Variants in PPP2R3B observed in about 807,000 individuals in gnomAD.
PPP2R3B encodes the protein protein phosphatase 2 regulatory subunit B''beta, also known as serine/threonine-protein phosphatase 2A regulatory subunit B'' subunit beta.
A neutral mutation model predicts 72.9 loss-of-function variants in PPP2R3B; 68 were observed. The ratio of observed to expected loss-of-function variants is 0.93; its 90% CI spans 0.77 to 1.14. The LOEUF (loss-of-function observed/expected upper bound fraction) is 1.14, where lower values mean the gene tolerates loss of function less well. Ranked by LOEUF, PPP2R3B falls within the 50% of genes most tolerant of loss-of-function variation. PPP2R3B has a pLI of 0.00. For missense variants in PPP2R3B, 1,018 were observed against 842.0 expected (o/e 1.21, Z -2.59); for synonymous variants, 466 against 375.8 (o/e 1.24, Z -2.78).
intron 2 of PPP2R3B, among the ~76,000 whole-genome samples, chrX:349,488 C>A (rs1448088152): frequency 6.6e-6 from 1 of 152,218 alleles, no homozygotes; most frequent in African/African-American, 2.4e-5. Flanking sequence ...AGGACAGTGT[C>A]ACCACCAAGG....
chrX:373,831 G>A (rs1470404572), intron 1 of PPP2R3B: 1 of 152,106 alleles, frequency 6.6e-6, no homozygotes, highest in Admixed American at 6.6e-5. Context: ...CTCAGGCTGA[G>A]GAGGGCGCAT....
chrX:356,885 C>G lies in PPP2R3B; in HGVS notation c.510+4520G>C, dbSNP rs1193541735. ...AGCGAGCCCCACAGTATCCACACCC[C>G]GCCAGCCACACAGCGAGCCCCACGG... On this transcript the variant is annotated intron_variant, in intron 2 of 12. Transcript: ENST00000390665. Among the ~76,000 whole-genome samples the G allele has an allele frequency of 4.6e-4, 43 of 93,116 alleles. 1 individual carries two copies. Among genetic ancestry groups the G allele is most frequent in the Non-Finnish European group, 6.3e-5 (3 of 47,858 alleles). 61.1% of individuals were successfully genotyped at this position (93,116 alleles called of 152,430 possible).
At chrX:384,300 T>G (rs867996179) in intron 1 of PPP2R3B, among the ~76,000 whole-genome samples, 4 of 134,162 alleles carry the variant, frequency 3.0e-5, no homozygotes, top group African/African-American at 6.0e-5. Context: ...ATATATATAC[T>G]TTTTTTTTTT....
At chrX:346,433 G>A (rs1322755423) in intron 5 of PPP2R3B, 173 bp from the exon 6 acceptor site, 8 of 669,604 alleles carry the variant, frequency 1.2e-5, no homozygotes, top group African/African-American at 1.9e-5. Context: ...CCCAGGCCGC[G>A]GAAAGCGGGG....
At chrX:371,215 G>C (rs1427504433) in intron 1 of PPP2R3B, among the ~76,000 whole-genome samples, 2 of 152,110 alleles carry the variant, frequency 1.3e-5, no homozygotes, top group Admixed American at 6.5e-5. Flanking sequence ...TACATGCTGG[G>C]TCCTACAGTG....
chrX:380,523 C>A (rs1261077031), intron 1 of PPP2R3B, among the ~76,000 whole-genome samples: 1 of 152,056 alleles, frequency 6.6e-6, no homozygotes, highest in Non-Finnish European at 1.5e-5. Flanking sequence ...TGGTTGCCCT[C>A]GTCTGTCATC....
At chrX:380,292 A>G (rs1429421993) in intron 1 of PPP2R3B, among the ~76,000 whole-genome samples, 1 of 152,200 alleles carries the variant, frequency 6.6e-6, no homozygotes, top group East Asian at 1.9e-4. Context: ...CAAGAGACAT[A>G]TGCACACACC....
chrX:380,895 C>T (rs1280257126), intron 1 of PPP2R3B, among the ~76,000 whole-genome samples: 1 of 150,908 alleles, frequency 6.6e-6, no homozygotes, highest in Non-Finnish European at 1.5e-5. Context: ...AGCAGAAGCA[C>T]CCTGGCTTGC....
At chrX:347,905 G>A in intron 2 of PPP2R3B, 1 of 546,774 alleles carries the variant, frequency 1.8e-6, no homozygotes, top group Non-Finnish European at 3.2e-6. Flanking sequence ...GGAGTGCCGG[G>A]CACGCAGTAT....
In PPP2R3B at chrX:363,291, C is replaced by T. The variant is rs1421449815; in HGVS notation, c.325-1701G>A. 5.7e-4 allele frequency among the ~76,000 whole-genome samples: 86 copies of T among 151,816 alleles called. 1 individual carries two copies. The highest frequency in any genetic ancestry group is 1.8e-3 in the African/African-American group (73 of 41,308). On this transcript the variant is annotated intron_variant, in intron 1 of 12. Transcript: ENST00000390665. ...GTGCATCTCCCCGAGCCCACGATCC[C>T]GCAGTGCATCTCCCCGAGCCCACCA...
chrX:346,662 C>G, intron 5 of PPP2R3B, 39 bp downstream of exon 5: 1 of 1,574,192 alleles, frequency 6.4e-7, no homozygotes, highest in South Asian at 1.1e-5. Flanking sequence ...ACACCCGCGC[C>G]CCGCGCTGGA....
At chrX:353,960 C>G (rs1434480402) in intron 2 of PPP2R3B, among the ~76,000 whole-genome samples, 11 of 134,970 alleles carry the variant, frequency 8.1e-5, no homozygotes, top group Non-Finnish European at 1.5e-4. Flanking sequence ...GGGGCTCACC[C>G]AAAGACCAGG....
At position 334,146 on chromosome X, in the gene PPP2R3B, C is replaced by T; in HGVS notation, c.*221G>A. ...CGCCAGAGGGTGTCCGTGTGGGAAC[C>T]CGTCCCATTCACGCGCGGCCCTACG... is the stretch of plus-strand genomic sequence containing the variant. On this transcript the variant is annotated 3_prime_UTR_variant, in exon 13 of 13. Transcript: ENST00000390665. The T allele has an allele frequency of 2.2e-6, 1 of 451,504 alleles. No individual in the cohort carries two copies. The highest frequency in any genetic ancestry group is 3.7e-6 in the Non-Finnish European group (1 of 267,094). The allele number at this position is 451,504 out of a possible 1,614,324, so 28.0% of individuals were successfully genotyped here. A position where few individuals can be genotyped will look rare whatever the true frequency, so the allele number is the denominator to read the frequency against.
In PPP2R3B at chrX:386,464, G is replaced by C. The variant is rs779004206; in HGVS notation, c.228C>G (p.Thr76=). The C allele has an allele frequency of 2.3e-6, 3 of 1,288,090 alleles. No individual in the cohort carries two copies. The Admixed American group carries it at 1.1e-4, about 49-fold the overall frequency. 79.8% of individuals were successfully genotyped at this position (1,288,090 alleles called of 1,614,324 possible). A position where few individuals can be genotyped will look rare whatever the true frequency, so the allele number is the denominator to read the frequency against. The change falls in exon 1 of 13, where the codon ACC becomes ACG. Residue 76 remains threonine, a synonymous_variant. Coordinates refer to ENST00000390665, the MANE Select transcript of PPP2R3B (RefSeq NM_013239.5). ...PRPSGLEPPG[T]PGPGPALPLG... ...GGGGCAGCGCAGGGCCCGGCCCGGGGGTTCCCGGGGGTTCGAGCCCGCTGG... is the reference window on the plus strand; with the variant it reads ...GGGGCAGCGCAGGGCCCGGCCCGGGCGTTCCCGGGGGTTCGAGCCCGCTGG...
Position 345,529 on chromosome X carries a change from C to A in PPP2R3B, c.1023G>T (p.Arg341=), listed in dbSNP as rs1214190520. 2 of 1,612,880 alleles carry A rather than the reference C, an allele frequency of 1.2e-6. No individual in the cohort carries two copies. The highest frequency in any genetic ancestry group is 1.1e-5 in the South Asian group (1 of 91,076). Residue 341 remains arginine (R), a synonymous_variant, in exon 7 of 13, where the codon CGG becomes CGT. Transcript: ENST00000390665. ...GCCCCCACGCACCGTGGTCATTGTG[C>A]CGCGCCAGGTCGTCCGCGTCGATGA... is the stretch of plus-strand genomic sequence containing the variant. The part of the protein sequence containing the change: ...DLLIDADDLA[R]HNDHALSTKM...
intron 1 of PPP2R3B, among the ~76,000 whole-genome samples, chrX:382,458 A>G (rs2072148085): frequency 6.6e-6 from 1 of 151,738 alleles, no homozygotes; most frequent in African/African-American, 2.4e-5. Context: ...TCAGCCTCCC[A>G]AAGTGCTAGG....
chrX:346,100 A>AGGGAGGAGAGAAG (rs1175320111), intron 6 of PPP2R3B, 74 bp downstream of exon 6: 1 of 655,842 alleles, frequency 1.5e-6, no homozygotes, highest in Non-Finnish European at 2.4e-6. Context: ...AGGGGGGAGG[A>AGGGAGGAGAGAAG]GGGAAGGGAA....
chrX:345,461 G>T (rs1174084001), intron 7 of PPP2R3B, 55 bp downstream of exon 7: 1 of 1,608,052 alleles, frequency 6.2e-7, no homozygotes. Context: ...CAGGCCCTGA[G>T]AGAAGGGTGT....
chrX:375,178 A>C (rs1018145897), intron 1 of PPP2R3B, among the ~76,000 whole-genome samples: 24 of 151,652 alleles, frequency 1.6e-4, no homozygotes, highest in Non-Finnish European at 2.6e-4. Flanking sequence ...TCACTTCCTT[A>C]CTGTCCTTGA....
Sources: allele counts gnomAD v4.1 joint callset (sites outside exome capture counted in the v4.1 genomes callset), GRCh38; gene constraint gnomAD v4.1.1; transcripts MANE v1.5; gene names NCBI Gene and HGNC (gene_info 2026-07-23, HGNC 2026-07-21).